KLHL1: variants seen among roughly 807,000 people sequenced by gnomAD.
KLHL1 encodes the protein kelch-like protein 1.
Under a neutral mutation model 77.7 loss-of-function variants are expected in KLHL1, and 47 were observed. That is an observed-to-expected ratio of 0.60 (90% CI 0.48 to 0.77). The LOEUF is 0.77. Among genes scored for constraint, KLHL1 ranks in the 30% least tolerant of loss-of-function variants. KLHL1 has a pLI of 0.00. For synonymous variants in KLHL1, 360 were observed against 325.2 expected (o/e 1.11, Z -1.15); for missense variants, 925 against 910.8 (o/e 1.02, Z -0.20).
Position 69,928,253 on chromosome 13 carries a change from T to A in KLHL1, c.1014+11787A>T, listed in dbSNP as rs538126541. On this transcript the variant is annotated intron_variant, in intron 4 of 10. Transcript: ENST00000377844. The stretch of plus-strand genomic sequence containing the variant: ...CTACAGAATAGTTTCTTCATCTCCT[T>A]GTTCCATAACTTCACCTTGCAGTTT... Among the ~76,000 whole-genome samples, 179 of 152,320 alleles carry A rather than the reference T, an allele frequency of 1.2e-3. 3 individuals carry two copies. Among genetic ancestry groups the A allele is most frequent in the African/African-American group, 4.2e-3 (174 of 41,572 alleles).
intron 1 of KLHL1, among the ~76,000 whole-genome samples, chr13:70,038,178 T>C (rs1475815506): frequency 6.6e-6 from 1 of 152,250 alleles, no homozygotes; most frequent in East Asian, 1.9e-4. Context: ...TTTGAGATTT[T>C]ATAGTTTTCA....
intron 1 of KLHL1, among the ~76,000 whole-genome samples, chr13:70,008,048 C>T (rs2049893): frequency 0.1 from 15,660 of 151,900 alleles, 878 homozygotes; most frequent in African/African-American, 0.12. Flanking sequence ...ATGATTGGCT[C>T]TTACTATTTG....
intron 5 of KLHL1, among the ~76,000 whole-genome samples, chr13:69,867,705 A>G (rs1880416412): frequency 1.3e-5 from 2 of 151,990 alleles, no homozygotes; most frequent in Non-Finnish European, 2.9e-5. Flanking sequence ...ATATTAAAAT[A>G]TTTTAAATTA....
chr13:69,929,468 T>C (rs994691466), intron 4 of KLHL1, among the ~76,000 whole-genome samples: 1 of 151,858 alleles, frequency 6.6e-6, no homozygotes, highest in African/African-American at 2.4e-5. Flanking sequence ...TAGCCTAGAC[T>C]TTTGGCCTGT....
At chr13:69,794,414 A>G (rs1280233185) in intron 7 of KLHL1, among the ~76,000 whole-genome samples, 1 of 152,156 alleles carries the variant, frequency 6.6e-6, no homozygotes, top group African/African-American at 2.4e-5. Flanking sequence ...AGAGGCTGCA[A>G]CTACCATTAA....
intron 1 of KLHL1, among the ~76,000 whole-genome samples, chr13:69,976,898 T>C (rs1884560440): frequency 6.6e-6 from 1 of 152,108 alleles, no homozygotes; most frequent in Admixed American, 6.6e-5. Context: ...ATTCACTGCG[T>C]ATTCTTTCCC....
chr13:69,712,148 C>T (rs1040446548), intron 9 of KLHL1, among the ~76,000 whole-genome samples: 2 of 152,066 alleles, frequency 1.3e-5, no homozygotes, highest in African/African-American at 2.4e-5. Context: ...AGTTTCCCCA[C>T]TCTCCAACAA....
chr13:70,054,110 G>GT (rs2137395666), intron 1 of KLHL1, among the ~76,000 whole-genome samples: 2 of 152,176 alleles, frequency 1.3e-5, no homozygotes, highest in East Asian at 3.9e-4. Context: ...TCAAGAAAAA[G>GT]CCAGGGAAGA....
intron 6 of KLHL1, among the ~76,000 whole-genome samples, chr13:69,801,869 A>G (rs1214195459): frequency 6.6e-6 from 1 of 152,060 alleles, no homozygotes; most frequent in Non-Finnish European, 1.5e-5. Context: ...TCTTTTTATT[A>G]TTTTTTAATT....
chr13:70,027,505 T>C (rs1885979436), intron 1 of KLHL1, among the ~76,000 whole-genome samples: 1 of 151,536 alleles, frequency 6.6e-6, no homozygotes, highest in Non-Finnish European at 1.5e-5. Context: ...ATTGTGGTAG[T>C]GTGATGTGAT....
chr13:69,874,462 T>C (rs1465526598), intron 5 of KLHL1, among the ~76,000 whole-genome samples: 2 of 152,038 alleles, frequency 1.3e-5, no homozygotes, highest in Non-Finnish European at 2.9e-5. Flanking sequence ...TTAAAGTAGT[T>C]TAATTAATTC....
intron 5 of KLHL1, among the ~76,000 whole-genome samples, chr13:69,879,712 G>A (rs1880912271): frequency 6.6e-6 from 1 of 151,958 alleles, no homozygotes; most frequent in East Asian, 1.9e-4. Context: ...TGACATTGAG[G>A]CAAATATGAA....
intron 4 of KLHL1, among the ~76,000 whole-genome samples, chr13:69,915,669 G>A (rs1882405340): frequency 6.6e-6 from 1 of 152,030 alleles, no homozygotes; most frequent in Non-Finnish European, 1.5e-5. Flanking sequence ...ATACCATTCA[G>A]GACATAGGCA....
intron 5 of KLHL1, among the ~76,000 whole-genome samples, chr13:69,857,568 T>C (rs1225214048): frequency 6.6e-6 from 1 of 152,072 alleles, no homozygotes; most frequent in Non-Finnish European, 1.5e-5. Context: ...TTCCCTAGAA[T>C]GTATCCCTAT....
intron 4 of KLHL1, among the ~76,000 whole-genome samples, chr13:69,897,155 A>G (rs1430976996): frequency 6.6e-6 from 1 of 152,226 alleles, no homozygotes; most frequent in Non-Finnish European, 1.5e-5. Flanking sequence ...AACATTATTT[A>G]CAGAAAACTT....
At chr13:70,002,909 A>T (rs1033462122) in intron 1 of KLHL1, among the ~76,000 whole-genome samples, 1 of 151,652 alleles carries the variant, frequency 6.6e-6, no homozygotes, top group Non-Finnish European at 1.5e-5. Flanking sequence ...AAATAACAAC[A>T]TAAGTATTTT....
chr13:70,084,416 T>C (rs1372521388), intron 1 of KLHL1, among the ~76,000 whole-genome samples: 1 of 151,390 alleles, frequency 6.6e-6, no homozygotes, highest in East Asian at 1.9e-4. Flanking sequence ...TATTTCTGCT[T>C]CATTATTGAC....
intron 7 of KLHL1, among the ~76,000 whole-genome samples, chr13:69,778,194 A>G (rs1875932831): frequency 1.3e-5 from 2 of 152,132 alleles, no homozygotes; most frequent in Admixed American, 1.3e-4. Flanking sequence ...AATTTAATCT[A>G]GACTTTTAAA....
rs553974638 is a variant in KLHL1, at chr13:70,031,598, A to G, written c.498-55796T>C. Among the ~76,000 whole-genome samples, 9 of 152,312 alleles carry G rather than the reference A, an allele frequency of 5.9e-5. No homozygotes were observed. The South Asian group carries it at 1.5e-3, about 25-fold the overall frequency. ...CCCAAATACCAGCCAAAGACAGGTT[A>G]TAGTTCCTCGTGCTATTTATAAATC... On this transcript the variant is annotated intron_variant, in intron 1 of 10. Coordinates refer to ENST00000377844, the MANE Select transcript of KLHL1 (RefSeq NM_020866.3).
Sources: allele counts gnomAD v4.1 joint callset (sites outside exome capture counted in the v4.1 genomes callset), GRCh38; gene constraint gnomAD v4.1.1; transcripts MANE v1.5; gene names NCBI Gene and HGNC (gene_info 2026-07-23, HGNC 2026-07-21).